PAPPA2: variants seen among roughly 807,000 people sequenced by gnomAD.
PAPPA2 encodes the protein pappalysin 2, also known as pappalysin-2.
In PAPPA2, 86 loss-of-function variants were observed where a neutral mutation model predicts 176.4. The observed-to-expected ratio is 0.49, with a 90% CI of 0.41 to 0.58. PAPPA2 has a LOEUF of 0.58. Ranked by LOEUF, PAPPA2 falls within the 20% of genes least tolerant of loss-of-function variation. The pLI, the probability that PAPPA2 is intolerant of heterozygous loss-of-function variation, is 0.00. For synonymous variants in PAPPA2, 809 were observed against 852.2 expected (o/e 0.95, Z 0.88); for missense variants, 2,073 against 2,256.9 (o/e 0.92, Z 1.65).
intron 3 of PAPPA2, among the ~76,000 whole-genome samples, chr1:176,666,998 C>T (rs943522564): frequency 6.6e-6 from 1 of 152,150 alleles, no homozygotes; most frequent in Non-Finnish European, 1.5e-5. Flanking sequence ...GTAATCCCAG[C>T]ACTTTGGGAG....
chr1:176,759,335 T>A (rs191191330), intron 14 of PAPPA2, among the ~76,000 whole-genome samples: 25 of 152,260 alleles, frequency 1.6e-4, no homozygotes, highest in Non-Finnish European at 2.5e-4. Context: ...TCTCATTTAA[T>A]ACAAGAAATT....
intron 21 of PAPPA2, among the ~76,000 whole-genome samples, chr1:176,839,180 C>T (rs1304456932): frequency 6.6e-6 from 1 of 152,162 alleles, no homozygotes; most frequent in Non-Finnish European, 1.5e-5. Flanking sequence ...TATGGTTGGG[C>T]ATCTCTCAGG....
At chr1:176,539,096 T>A (rs753228632) in intron 1 of PAPPA2, among the ~76,000 whole-genome samples, 1 of 152,204 alleles carries the variant, frequency 6.6e-6, no homozygotes, top group Non-Finnish European at 1.5e-5. Flanking sequence ...TTTATTTCCC[T>A]TCTGGATAAT....
intron 21 of PAPPA2, among the ~76,000 whole-genome samples, chr1:176,810,369 C>T (rs1307899776): frequency 6.6e-6 from 1 of 152,126 alleles, no homozygotes; most frequent in African/African-American, 2.4e-5. Flanking sequence ...CGACTAGTTT[C>T]ATGGAAGACA....
At chr1:176,672,078 AAT>A (rs1195227243) in intron 4 of PAPPA2, among the ~76,000 whole-genome samples, 1 of 151,456 alleles carries the variant, frequency 6.6e-6, no homozygotes, top group African/African-American at 2.4e-5. Context: ...AAAATAAAAA[AAT>A]AAAAAATAAA....
intron 12 of PAPPA2, among the ~76,000 whole-genome samples, chr1:176,714,515 C>G (rs1178748015): frequency 6.6e-6 from 1 of 151,982 alleles, no homozygotes; most frequent in African/African-American, 2.4e-5. Flanking sequence ...AAAATAACTA[C>G]TTGGGTACAC....
At chr1:176,761,059 G>A (rs1332325668) in intron 14 of PAPPA2, among the ~76,000 whole-genome samples, 1 of 152,086 alleles carries the variant, frequency 6.6e-6, no homozygotes, top group African/African-American at 2.4e-5. Flanking sequence ...CTGACCTCGT[G>A]ATCCGCCCGC....
In PAPPA2 at chr1:176,606,595, G is replaced by T. The variant is rs190496682; in HGVS notation, c.1991+11000G>T. Among the ~76,000 whole-genome samples, 290 of 152,254 alleles carry T rather than the reference G, an allele frequency of 1.9e-3. 2 individuals carry two copies. Among genetic ancestry groups the T allele is most frequent in the African/African-American group, 6.9e-3 (287 of 41,562 alleles). On this transcript the variant is annotated intron_variant, in intron 3 of 22. Coordinates refer to ENST00000367662, the MANE Select transcript of PAPPA2 (RefSeq NM_020318.3). ...TTCTTCTGCCTCAGCCTCCCGAGTG[G>T]CTGGGACTACAGATGTGCGGCACCA...
intron 14 of PAPPA2, among the ~76,000 whole-genome samples, chr1:176,752,342 TAAAAAAAA>T (rs58591760): frequency 3.3e-4 from 32 of 96,492 alleles, no homozygotes; most frequent in African/African-American, 1.1e-3. Flanking sequence ...TAGAGTATAA[TAAAAAAAA>T]AAAAAAAAAA....
At chr1:176,742,199 C>G (rs1202800258) in intron 14 of PAPPA2, among the ~76,000 whole-genome samples, 3 of 152,178 alleles carry the variant, frequency 2.0e-5, no homozygotes, top group Non-Finnish European at 4.4e-5. Context: ...TGCTCAGTAT[C>G]TCTGAATATC....
intron 1 of PAPPA2, among the ~76,000 whole-genome samples, chr1:176,470,495 G>A (rs1485172036): frequency 6.6e-6 from 1 of 152,122 alleles, no homozygotes; most frequent in Non-Finnish European, 1.5e-5. Context: ...AGAAGGACAT[G>A]TTCTCAATCC....
At position 176,640,298 on chromosome 1, in the gene PAPPA2, C is replaced by T. The variant is rs544193815; in HGVS notation, c.1992-30672C>T. Among the ~76,000 whole-genome samples, 114 of 150,612 alleles carry T rather than the reference C, an allele frequency of 7.6e-4. No individual in the cohort carries two copies. In the South Asian group the frequency reaches 0.023, roughly 31 times the overall value. On this transcript the variant is annotated intron_variant, in intron 3 of 22. Transcript: ENST00000367662. ...TGCTGGTGCGCTGCACCCATTAACT[C>T]GTCATCTAGCATTAGGTATATCTCC...
At chr1:176,586,577 A>C (rs1475592187) in intron 2 of PAPPA2, among the ~76,000 whole-genome samples, 2 of 152,168 alleles carry the variant, frequency 1.3e-5, no homozygotes, top group Non-Finnish European at 2.9e-5. Context: ...TTGGCTGAGG[A>C]TGATGACTTC....
intron 1 of PAPPA2, among the ~76,000 whole-genome samples, chr1:176,494,637 G>A (rs1449715274): frequency 6.6e-6 from 1 of 152,108 alleles, no homozygotes; most frequent in Non-Finnish European, 1.5e-5. Flanking sequence ...ATTTTGGCCT[G>A]GGCTATAGAC....
chr1:176,835,265 C>T (rs897941157), intron 21 of PAPPA2, among the ~76,000 whole-genome samples: 4 of 152,182 alleles, frequency 2.6e-5, no homozygotes, highest in African/African-American at 9.6e-5. Flanking sequence ...AGACAGTTCA[C>T]CTTTTTAAGG....
chr1:176,788,208 G>A (rs754351735), intron 17 of PAPPA2, among the ~76,000 whole-genome samples: 15 of 152,176 alleles, frequency 9.9e-5, no homozygotes, highest in Non-Finnish European at 1.9e-4. Context: ...ACTTAATGCC[G>A]AATATAAACC....
chr1:176,743,255 A>G (rs1662765030), intron 14 of PAPPA2, among the ~76,000 whole-genome samples: 1 of 152,192 alleles, frequency 6.6e-6, no homozygotes, highest in African/African-American at 2.4e-5. Context: ...CATTTAAAGA[A>G]TAGAGCCATA....
chr1:176,809,076 G>A (rs898530090), intron 21 of PAPPA2, among the ~76,000 whole-genome samples: 2 of 152,144 alleles, frequency 1.3e-5, no homozygotes, highest in African/African-American at 4.8e-5. Context: ...AGTCTTTGGA[G>A]AGTTTTAAAA....
intron 1 of PAPPA2, among the ~76,000 whole-genome samples, chr1:176,519,011 T>C (rs1649070754): frequency 6.6e-6 from 1 of 152,184 alleles, no homozygotes; most frequent in African/African-American, 2.4e-5. Context: ...TAACTTACAA[T>C]CATGACTATA....
Sources: gnomAD v4.1 joint callset for allele counts (sites outside exome capture counted in the v4.1 genomes callset) on GRCh38, gnomAD v4.1.1 for gene constraint, MANE v1.5 for transcripts, NCBI Gene and HGNC (gene_info 2026-07-23, HGNC 2026-07-21) for gene names.